Variants in KSR1 observed in about 807,000 individuals in gnomAD.
The protein encoded by KSR1 is kinase suppressor of ras.
Under a neutral mutation model 92.9 loss-of-function variants are expected in KSR1, and 35 were observed. That is an observed-to-expected ratio of 0.38 (90% CI 0.29 to 0.50). The LOEUF (loss-of-function observed/expected upper bound fraction) is 0.50. Among genes scored for constraint, KSR1 ranks in the 20% least tolerant of loss-of-function variants. The probability of loss-of-function intolerance (pLI) is 0.94; values close to 1 mark genes in which losing one functional copy is unlikely to be tolerated. For synonymous variants in KSR1, 467 were observed against 472.6 expected, an observed-to-expected ratio of 0.99 and a Z score of 0.15; for missense variants, 972 against 1,158.5, an observed-to-expected ratio of 0.84 and a Z score of 2.34.
chr17:27,493,260 A>T (rs568777268), intron 1 of KSR1, among the ~76,000 whole-genome samples: 26 of 152,368 alleles, frequency 1.7e-4, no homozygotes, highest in African/African-American at 6.0e-4. Context: ...AAGGTCACCC[A>T]GTTAGTAAAT....
chr17:27,551,590 A>C (rs576012412), intron 2 of KSR1, among the ~76,000 whole-genome samples: 5 of 152,024 alleles, frequency 3.3e-5, no homozygotes, highest in African/African-American at 1.2e-4. Flanking sequence ...CCCAATATGG[A>C]AATCTTTTAA....
At chr17:27,488,590 G>A (rs1027239603) in intron 1 of KSR1, among the ~76,000 whole-genome samples, 4 of 152,190 alleles carry the variant, frequency 2.6e-5, no homozygotes, top group Non-Finnish European at 5.9e-5. Flanking sequence ...GGAGCACTTT[G>A]GGAGGCCAAG....
intron 1 of KSR1, among the ~76,000 whole-genome samples, chr17:27,526,209 T>A (rs2070291837): frequency 6.6e-6 from 1 of 151,716 alleles, no homozygotes; most frequent in African/African-American, 2.4e-5. Context: ...AACAGCTTCT[T>A]TGCCACTTAA....
rs544710453 is a variant in KSR1, at chr17:27,555,176, G to A, written c.372+4468G>A. On this transcript the variant is annotated intron_variant, in intron 2 of 20. Coordinates refer to ENST00000644974, the MANE Select transcript of KSR1 (RefSeq NM_001394583.1). ...CTCAGTCTTCCCTTAATTTCATGAC[G>A]TTGACACTACTTTGTTTTTTGGAAG... 7.2e-5 allele frequency among the ~76,000 whole-genome samples: 11 copies of A among 152,204 alleles called. No homozygotes were observed. The East Asian group carries it at 1.9e-3, about 27-fold the overall frequency.
At chr17:27,458,976 T>C (rs1226151519) in intron 1 of KSR1, among the ~76,000 whole-genome samples, 1 of 152,194 alleles carries the variant, frequency 6.6e-6, no homozygotes, top group African/African-American at 2.4e-5. Context: ...TTTGTGATTG[T>C]TTTTATACTA....
At chr17:27,517,457 A>G (rs2069845682) in intron 1 of KSR1, among the ~76,000 whole-genome samples, 1 of 152,032 alleles carries the variant, frequency 6.6e-6, no homozygotes, top group Non-Finnish European at 1.5e-5. Flanking sequence ...TGCCTGGCTA[A>G]TTTTATACTT....
chr17:27,592,295 GCTA>G (rs2151194513), intron 7 of KSR1, 63 bp from the exon 8 acceptor site: 2 of 1,301,812 alleles, frequency 1.5e-6, no homozygotes, highest in East Asian at 4.6e-5. Flanking sequence ...GCTACACAGA[GCTA>G]CCCCTGTGTG....
intron 1 of KSR1, among the ~76,000 whole-genome samples, chr17:27,489,325 AT>A (rs2068755433): frequency 6.6e-6 from 1 of 152,160 alleles, no homozygotes; most frequent in South Asian, 2.1e-4. Context: ...ATTGTGCAAC[AT>A]CCCTGCGAGG....
intron 2 of KSR1, among the ~76,000 whole-genome samples, chr17:27,567,356 C>G (rs966899722): frequency 6.6e-6 from 1 of 151,946 alleles, no homozygotes; most frequent in South Asian, 2.1e-4. Flanking sequence ...TTTGGGAGGC[C>G]GAGGCAGGAG....
intron 11 of KSR1, 50 bp from the exon 12 acceptor site, chr17:27,603,784 G>C (rs545510866): frequency 6.3e-7 from 1 of 1,592,022 alleles, no homozygotes; most frequent in Non-Finnish European, 8.6e-7. Flanking sequence ...TGTCTCTTTG[G>C]GGAGAGGAAA....
In KSR1 at chr17:27,597,301, A is replaced by G; in HGVS notation, c.1333A>G (p.Ser445Gly). 1 of 1,603,886 alleles carries G rather than the reference A, an allele frequency of 6.2e-7. No individual in the cohort carries two copies. The highest frequency in any genetic ancestry group is 8.5e-7 in the Non-Finnish European group (1 of 1,175,338). Residue 445 changes from serine to glycine, a missense_variant, in exon 10 of 21, where the codon AGC becomes GGC. Physicochemically the swap from Ser to Gly is moderately conservative, Grantham distance 56. This residue lies in a region of KSR1 where 611 missense variants were observed against 668.0 expected (regional missense o/e 0.91). Coordinates refer to ENST00000644974, the MANE Select transcript of KSR1 (RefSeq NM_001394583.1). ...TCCGGCCATGAATCACCTGGACTCC[A>G]GCAGCAACCCTTCCTCCACCACCTC... Reference protein sequence around the residue: ...HPPAMNHLDSSSNPSSTTSST... With the variant: ...HPPAMNHLDSGSNPSSTTSST...
At position 27,485,196 on chromosome 17, in the gene KSR1, C is replaced by G. The variant is rs1027456356; in HGVS notation, c.231+28322C>G. On this transcript the variant is annotated intron_variant, in intron 1 of 20. Coordinates refer to ENST00000644974, the MANE Select transcript of KSR1 (RefSeq NM_001394583.1). ...TGCCCACCCTGGACTGTTCTCTTCT[C>G]TCACATGAGTCATCTCCTGGGTTGT... is the stretch of plus-strand genomic sequence containing the variant. 2.6e-5 allele frequency among the ~76,000 whole-genome samples: 4 copies of G among 152,226 alleles called. No individual in the cohort carries two copies. The East Asian group carries it at 7.7e-4, about 29-fold the overall frequency.
At chr17:27,595,789 G>A (rs1434962695) in intron 9 of KSR1, among the ~76,000 whole-genome samples, 2 of 151,752 alleles carry the variant, frequency 1.3e-5, no homozygotes, top group African/African-American at 2.4e-5. Context: ...GCTCTTGCTC[G>A]GAGCTGTGAG....
At chr17:27,486,026 G>A (rs2068653713) in intron 1 of KSR1, among the ~76,000 whole-genome samples, 1 of 152,176 alleles carries the variant, frequency 6.6e-6, no homozygotes. Context: ...CAGTGGGGTA[G>A]GATTTGAAAA....
In KSR1 at chr17:27,577,762, G is replaced by T. The variant is rs906253985; in HGVS notation, c.520+123G>T. On this transcript the variant is annotated intron_variant, in intron 3 of 20. Transcript: ENST00000644974. This position sits in a 1 kb window ranked among gnomAD's most constrained non-coding sequence, Gnocchi z 4.5. Reference sequence around the variant, plus strand: ...AGGGTTTCTGGGGCAGCCTGGAAAGGCCAGGGTTGGATGTTCACAGCCTCC... The same window carrying T: ...AGGGTTTCTGGGGCAGCCTGGAAAGTCCAGGGTTGGATGTTCACAGCCTCC... 37 of 829,022 alleles carry T rather than the reference G, an allele frequency of 4.5e-5. No homozygotes were observed. The highest frequency in any genetic ancestry group is 1.6e-4 in the Admixed American group (8 of 49,838). The allele number at this position is 829,022 out of a possible 1,614,324, so 51.4% of individuals were successfully genotyped here.
At chr17:27,572,838 G>A (rs2072362516) in intron 2 of KSR1, among the ~76,000 whole-genome samples, 1 of 152,248 alleles carries the variant, frequency 6.6e-6, no homozygotes, top group Non-Finnish European at 1.5e-5. Flanking sequence ...TTGGGGCACT[G>A]TTGAGTCATG....
chr17:27,562,654 C>T (rs1021029863), intron 2 of KSR1, among the ~76,000 whole-genome samples: 1 of 152,238 alleles, frequency 6.6e-6, no homozygotes, highest in Admixed American at 6.5e-5. Context: ...ACAGATCTGA[C>T]TATGGCCAGA....
At chr17:27,585,417 C>T (rs895611084) in intron 4 of KSR1, among the ~76,000 whole-genome samples, 5 of 152,106 alleles carry the variant, frequency 3.3e-5, no homozygotes, top group African/African-American at 9.7e-5. Context: ...GTGCACAGCA[C>T]TGAGTTTAGA....
intron 11 of KSR1, among the ~76,000 whole-genome samples, chr17:27,603,602 A>T (rs2073643126): frequency 6.6e-6 from 1 of 152,136 alleles, no homozygotes; most frequent in Admixed American, 6.5e-5. Flanking sequence ...CCCTGCCCAG[A>T]GCCCCTTCCT....
Sources: gnomAD v4.1 joint callset for allele counts (sites outside exome capture counted in the v4.1 genomes callset) on GRCh38, gnomAD v4.1.1 for gene constraint, gnomAD v4.1.1 regional missense constraint, Gnocchi (gnomAD v3.1) non-coding constraint, MANE v1.5 for transcripts, NCBI Gene and HGNC (gene_info 2026-07-23, HGNC 2026-07-21) for gene names.